STPG2: variants seen among roughly 807,000 people sequenced by gnomAD.
STPG2 encodes sperm-tail PG-rich repeat-containing protein 2.
In STPG2, 56 loss-of-function variants were observed where a neutral mutation model predicts 54.2. The observed-to-expected ratio is 1.03, with a 90% CI of 0.83 to 1.29. The LOEUF (loss-of-function observed/expected upper bound fraction) is 1.29, where lower values mean the gene tolerates loss of function less well. Ranked by LOEUF, STPG2 falls within the 50% of genes most tolerant of loss-of-function variation. The pLI is 0.00. For synonymous variants in STPG2, 200 were observed against 181.8 expected (o/e 1.10, Z -0.81); for missense variants, 596 against 544.9 (o/e 1.09, Z -0.93).
At chr4:97,770,319 G>A (rs1178070944) in intron 9 of STPG2, among the ~76,000 whole-genome samples, 1 of 152,206 alleles carries the variant, frequency 6.6e-6, no homozygotes, top group African/African-American at 2.4e-5. Context: ...AGGCTTCACT[G>A]TAAGCTGAGA....
chr4:98,125,384 G>T (rs1739800161), intron 3 of STPG2, among the ~76,000 whole-genome samples: 1 of 152,068 alleles, frequency 6.6e-6, no homozygotes, highest in Non-Finnish European at 1.5e-5. Context: ...TGTTGATGTT[G>T]TTGTTGTTGC....
At chr4:97,741,573 C>G (rs1725235978) in intron 9 of STPG2, among the ~76,000 whole-genome samples, 1 of 152,174 alleles carries the variant, frequency 6.6e-6, no homozygotes, top group Non-Finnish European at 1.5e-5. Context: ...AGACACTTCT[C>G]AAAGGTAGAC....
At chr4:97,463,323 T>G (rs995995797) in intron 4 of STPG2, among the ~76,000 whole-genome samples, 1 of 152,194 alleles carries the variant, frequency 6.6e-6, no homozygotes, top group African/African-American at 2.4e-5. Context: ...TTCGGACGCT[T>G]TATTAGCTTT....
chr4:97,734,767 C>G (rs1266454954), intron 9 of STPG2, among the ~76,000 whole-genome samples: 1 of 152,008 alleles, frequency 6.6e-6, no homozygotes, highest in African/African-American at 2.4e-5. Flanking sequence ...AGTAGGACAA[C>G]ATCAAACTAA....
chr4:97,625,800 G>C (rs773339547), intron 10 of STPG2, among the ~76,000 whole-genome samples: 18 of 152,220 alleles, frequency 1.2e-4, no homozygotes, highest in Admixed American at 4.6e-4. Context: ...TGACTAGAGT[G>C]ATAACCACTG....
At chr4:97,461,200 G>A (rs1162887625) in intron 4 of STPG2, among the ~76,000 whole-genome samples, 1 of 152,104 alleles carries the variant, frequency 6.6e-6, no homozygotes, top group East Asian at 1.9e-4. Flanking sequence ...TAAAGCATAT[G>A]AGAGTTTCAT....
intron 10 of STPG2, among the ~76,000 whole-genome samples, chr4:97,709,408 T>G (rs1425357744): frequency 2.0e-5 from 3 of 151,602 alleles, no homozygotes; most frequent in Admixed American, 2.0e-4. Flanking sequence ...TACCCAATTC[T>G]GCTATTAAAA....
At chr4:97,614,224 C>A (rs1436503204) in intron 10 of STPG2, among the ~76,000 whole-genome samples, 1 of 151,840 alleles carries the variant, frequency 6.6e-6, no homozygotes, top group African/African-American at 2.4e-5. Flanking sequence ...AACTGAGGGT[C>A]CTGTGAATTT....
chr4:97,879,151 T>C (rs1442272489), intron 8 of STPG2, among the ~76,000 whole-genome samples: 1 of 152,208 alleles, frequency 6.6e-6, no homozygotes. Flanking sequence ...ATTATCAGAA[T>C]TTTGGCCAAA....
intron 7 of STPG2, among the ~76,000 whole-genome samples, chr4:97,961,931 G>A (rs780031135): frequency 8.5e-5 from 13 of 152,070 alleles, no homozygotes; most frequent in African/African-American, 2.2e-4. Flanking sequence ...AGCATAATTC[G>A]CAATTGTAAA....
chr4:97,672,110 T>G (rs1236543607), intron 10 of STPG2, among the ~76,000 whole-genome samples: 1 of 151,846 alleles, frequency 6.6e-6, no homozygotes, highest in Non-Finnish European at 1.5e-5. Flanking sequence ...CATTTCCATT[T>G]TACATGGTAA....
chr4:98,048,028 AGAAC>A (rs1737193121), intron 5 of STPG2, among the ~76,000 whole-genome samples: 1 of 152,220 alleles, frequency 6.6e-6, no homozygotes, highest in African/African-American at 2.4e-5. Context: ...GGTCACCAGA[AGAAC>A]TCTAAAACTA....
chr4:97,570,504 T>A (rs1454837017), intron 10 of STPG2, among the ~76,000 whole-genome samples: 2 of 151,624 alleles, frequency 1.3e-5, no homozygotes, highest in African/African-American at 4.8e-5. Flanking sequence ...AAGATACCAC[T>A]CTCTACTCTA....
intron 4 of STPG2, among the ~76,000 whole-genome samples, chr4:97,548,929 A>G (rs1731904784): frequency 1.8e-5 from 1 of 54,900 alleles, no homozygotes; most frequent in African/African-American, 1.2e-4. Flanking sequence ...CCAGATTATA[A>G]AAAGTATTTT....
chr4:97,608,558 T>C (rs556745258), intron 10 of STPG2, among the ~76,000 whole-genome samples: 1 of 152,132 alleles, frequency 6.6e-6, no homozygotes, highest in Non-Finnish European at 1.5e-5. Flanking sequence ...GTGCCTAAAA[T>C]GTTGAAATGT....
intron 8 of STPG2, among the ~76,000 whole-genome samples, chr4:97,881,468 T>C (rs988273508): frequency 3.3e-5 from 5 of 152,168 alleles, no homozygotes; most frequent in Non-Finnish European, 7.3e-5. Context: ...GCTAATATTC[T>C]TTAAGGAAGT....
intron 4 of STPG2, among the ~76,000 whole-genome samples, chr4:97,458,780 C>T (rs1729587675): frequency 6.6e-6 from 1 of 152,082 alleles, no homozygotes; most frequent in African/African-American, 2.4e-5. Context: ...TCAACAAATA[C>T]TGAAACTAAT....
intron 8 of STPG2, among the ~76,000 whole-genome samples, chr4:97,934,169 T>C (rs780443756): frequency 5.9e-5 from 9 of 152,174 alleles, no homozygotes; most frequent in East Asian, 1.9e-4. Flanking sequence ...TGCTTGTCTA[T>C]TGTTGGTGTA....
intron 4 of STPG2, among the ~76,000 whole-genome samples, chr4:97,508,455 A>G (rs1730900487): frequency 6.6e-6 from 1 of 152,098 alleles, no homozygotes; most frequent in South Asian, 2.1e-4. Context: ...AAAAATAACT[A>G]GACTCTTTTC....
Sources: gnomAD v4.1 joint callset for allele counts (sites outside exome capture counted in the v4.1 genomes callset) on GRCh38, gnomAD v4.1.1 for gene constraint, MANE v1.5 for transcripts, NCBI Gene and HGNC (gene_info 2026-07-23, HGNC 2026-07-21) for gene names.